Variants in MEGF8 observed in about 807,000 individuals in gnomAD.
MEGF8 encodes multiple EGF like domains 8, also known as multiple epidermal growth factor-like domains protein 8.
MEGF8 carries 156 observed loss-of-function variants against 302.9 expected under a neutral mutation model. That is an observed-to-expected ratio of 0.52 (90% CI 0.45 to 0.59). MEGF8 has a LOEUF of 0.59. Among genes scored for constraint, MEGF8 ranks in the 20% least tolerant of loss-of-function variants. The probability of loss-of-function intolerance (pLI) is 0.00; values close to 1 mark genes in which losing one functional copy is unlikely to be tolerated. For synonymous variants in MEGF8, 1,621 were observed against 1,660.5 expected, an observed-to-expected ratio of 0.98 and a Z score of 0.58; for missense variants, 3,345 against 3,964.5, an observed-to-expected ratio of 0.84 and a Z score of 4.20.
At position 42,367,238 on chromosome 19, in the gene MEGF8, C is replaced by G. The variant is rs560257168; in HGVS notation, c.6274-1217C>G. ...GGTTCTCAGTGTGGGGTAAGAGAAG[C>G]CTTTTTGCCTCAGCAGCCACATTTG... On this transcript the variant is annotated intron_variant, in intron 35 of 41. Transcript: ENST00000251268. Among the ~76,000 whole-genome samples, 38 of 152,160 alleles carry G rather than the reference C, an allele frequency of 2.5e-4. No homozygotes were observed. In the East Asian group the frequency reaches 5.2e-3, roughly 21 times the overall value.
At chr19:42,365,832 C>T (rs973461156) in intron 35 of MEGF8, among the ~76,000 whole-genome samples, 1 of 150,488 alleles carries the variant, frequency 6.6e-6, no homozygotes, top group African/African-American at 2.4e-5. Context: ...ACCTGTAATC[C>T]CAGCACTTTG....
intron 8 of MEGF8, 148 bp from the exon 9 acceptor site, chr19:42,343,329 G>C (rs1260850382): frequency 3.9e-6 from 3 of 775,364 alleles, no homozygotes; most frequent in Non-Finnish European, 5.8e-6. Context: ...TTCAGGGCCA[G>C]GTGGGCTGGG....
At chr19:42,332,951 A>G (rs1338884075) in intron 1 of MEGF8, among the ~76,000 whole-genome samples, 1 of 152,240 alleles carries the variant, frequency 6.6e-6, no homozygotes, top group African/African-American at 2.4e-5. Flanking sequence ...CTTGGCCAAG[A>G]TCACACAGCT....
Position 42,370,290 on chromosome 19 carries a change from C to G in MEGF8, c.6936C>G (p.Ile2312Met). 2 of 1,613,576 alleles carry G rather than the reference C, an allele frequency of 1.2e-6. No homozygotes were observed. The highest frequency in any genetic ancestry group is 1.7e-6 in the Non-Finnish European group (2 of 1,179,740). The change falls in exon 39 of 42, where the codon ATC (isoleucine) becomes ATG (methionine). Residue 2312 changes from isoleucine (I) to methionine (M), a missense_variant. Physicochemically the swap from Ile to Met is conservative, Grantham distance 10 (BLOSUM62 1). Transcript: ENST00000251268. ...CCTTTTGTCGTGGAAATAGCCACATCTGCATCTCCAGGAAGGAGTTACAAA... is the reference window on the plus strand; with the variant it reads ...CCTTTTGTCGTGGAAATAGCCACATGTGCATCTCCAGGAAGGAGTTACAAA... The part of the protein sequence containing the change: ...CHAFCRGNSH[I>M]CISRKELQMS...
chr19:42,374,932 A>G (rs2147518215), intron 41 of MEGF8, among the ~76,000 whole-genome samples: 1 of 152,316 alleles, frequency 6.6e-6, no homozygotes, highest in South Asian at 2.1e-4. Flanking sequence ...GGGCTTGACA[A>G]GCTGACAAGT....
At position 42,370,313 on chromosome 19, in the gene MEGF8, A is replaced by C; in HGVS notation, c.6959A>C (p.Gln2320Pro). 6.2e-7 allele frequency: 1 copy of C among 1,609,794 alleles called. No individual in the cohort carries two copies. The highest frequency in any genetic ancestry group is 8.5e-7 in the Non-Finnish European group (1 of 1,177,992). Residue 2320 changes from glutamine to proline, a missense_variant, in exon 39 of 42, where the codon CAA (glutamine) becomes CCA (proline). Transcript: ENST00000251268. ...ATCTGCATCTCCAGGAAGGAGTTAC[A>C]AATGTCCAAGGGAGAGCCAAAGAAG... ...SHICISRKEL[Q>P]MSKGEPKKYS...
rs1232951493 is a variant in MEGF8, at chr19:42,354,399, G to A, written c.4012-189G>A. Among the ~76,000 whole-genome samples, 1 of 152,078 alleles carries A rather than the reference G, an allele frequency of 6.6e-6. No homozygotes were observed. ...TGCAAGAGTGCCTGATAGATGAGCC[G>A]TGTCTACTTTGGACACAGGAAGGGG... On this transcript the variant is annotated intron_variant, in intron 22 of 41. Coordinates refer to ENST00000251268, the MANE Select transcript of MEGF8 (RefSeq NM_001271938.2). The surrounding 1 kb of genome is among the most constrained non-coding windows in gnomAD (Gnocchi z 4.3).
rs1159337483 is a variant in MEGF8 at position 42,335,035 on chromosome 19, C to T, written c.559C>T (p.Pro187Ser). ...TGCCTTTATGTCTCCTTTCCCGCAG[C>T]CCCTGGGACCATGCCGCTGTGAGCC... ...YCGSHGTCAS[P>S]LGPCRCEPGF... The change falls in exon 4 of 42, where the codon CCC becomes TCC. Residue 187 changes from proline (P) to serine (S), a missense_variant and splice_region_variant. Physicochemically the swap from Pro to Ser is moderately conservative, Grantham distance 74. Transcript: ENST00000251268. 5 of 1,604,604 alleles carry T rather than the reference C, an allele frequency of 3.1e-6. No homozygotes were observed. The highest frequency in any genetic ancestry group is 1.3e-5 in the African/African-American group (1 of 74,410).
intron 23 of MEGF8, among the ~76,000 whole-genome samples, chr19:42,355,458 G>T (rs2039437427): frequency 6.6e-6 from 1 of 152,096 alleles, no homozygotes; most frequent in African/African-American, 2.4e-5. Context: ...ACCATGAGTG[G>T]GGAGTGTAGG....
At position 42,332,494 on chromosome 19, in the gene MEGF8, A is replaced by G. The variant is rs545265083; in HGVS notation, c.188-1111A>G. On this transcript the variant is annotated intron_variant, in intron 1 of 41. Transcript: ENST00000251268. ...GCAATTCTCCTGCCTCAGCCTCCCA[A>G]GTAGCTGGGATTACAGGCACCCGCC... Among the ~76,000 whole-genome samples the G allele has an allele frequency of 3.7e-3, 565 of 152,174 alleles. 2 individuals are homozygous for G. The highest frequency in any genetic ancestry group is 0.013 in the African/African-American group (554 of 41,524).
In MEGF8 at chr19:42,362,515, C is replaced by T. The variant is rs977588405; in HGVS notation, c.5976C>T (p.Ser1992=). The T allele has an allele frequency of 9.3e-6, 15 of 1,613,680 alleles. No individual in the cohort carries two copies. The African/African-American group carries it at 9.3e-5, about 10-fold the overall frequency. The change falls in exon 34 of 42, where the codon TCC becomes TCT. Residue 1992 remains serine, a synonymous_variant. Coordinates refer to ENST00000251268, the MANE Select transcript of MEGF8 (RefSeq NM_001271938.2). Reference sequence around the variant, plus strand: ...AGGTCTTCTGGGCAGGGAACTGCTCCGAGGCTGCGTGCGGGGCTGCTGACT... The same window carrying T: ...AGGTCTTCTGGGCAGGGAACTGCTCTGAGGCTGCGTGCGGGGCTGCTGACT... The part of the protein sequence containing the change: ...QREVFWAGNC[S]EAACGAADCE...
chr19:42,359,001 T>C (rs2147490367), intron 30 of MEGF8, 47 bp downstream of exon 30: 1 of 1,580,588 alleles, frequency 6.3e-7, no homozygotes. Context: ...TAGGGGGGGA[T>C]AGGTAGGGAA....
chr19:42,347,209 C>T (rs950242602), intron 12 of MEGF8, among the ~76,000 whole-genome samples: 1 of 151,794 alleles, frequency 6.6e-6, no homozygotes, highest in Non-Finnish European at 1.5e-5. Flanking sequence ...GACATCATAT[C>T]ATTTTTCTTT....
At position 42,336,388 on chromosome 19, in the gene MEGF8, C is replaced by G. The variant is rs912537601; in HGVS notation, c.1244+42C>G. On this transcript the variant is annotated intron_variant, in intron 6 of 41. Transcript: ENST00000251268. The surrounding 1 kb of genome is among the most constrained non-coding windows in gnomAD (Gnocchi z 4.8). The stretch of plus-strand genomic sequence containing the variant: ...ATAACCCATGCTCCACAGGCCAGGC[C>G]CAGCTCAACACCATAGGCCTTTAGT... The G allele has an allele frequency of 6.5e-7, 1 of 1,534,338 alleles. No individual in the cohort carries two copies. Among genetic ancestry groups the G allele is most frequent in the Non-Finnish European group, 8.8e-7 (1 of 1,141,330 alleles).
At position 42,344,895 on chromosome 19, in the gene MEGF8, T is replaced by C; in HGVS notation, c.2097+62T>C. On this transcript the variant is annotated intron_variant, in intron 12 of 41. Coordinates refer to ENST00000251268, the MANE Select transcript of MEGF8 (RefSeq NM_001271938.2). This position sits in a 1 kb window ranked among gnomAD's most constrained non-coding sequence, Gnocchi z 4.5. ...GATCCTGATCCTAGGGTTTGTTTTT[T>C]CTCAAATGCATCTTTATCACTCTTA... is the stretch of plus-strand genomic sequence containing the variant. 6.9e-7 allele frequency: 1 copy of C among 1,442,218 alleles called. No homozygotes were observed. Among genetic ancestry groups the C allele is most frequent in the Non-Finnish European group, 9.2e-7 (1 of 1,083,904 alleles). The allele number at this position is 1,442,218 out of a possible 1,614,324, so 89.3% of individuals were successfully genotyped here.
intron 3 of MEGF8, 121 bp from the exon 4 acceptor site, chr19:42,334,912 CTT>C (rs1277135231): frequency 1.1e-6 from 1 of 944,042 alleles, no homozygotes; most frequent in South Asian, 1.9e-5. Context: ...CTGTCTGTCT[CTT>C]TCTCTCTCCC....
At chr19:42,342,264 A>T (rs547981486) in intron 8 of MEGF8, among the ~76,000 whole-genome samples, 7 of 152,288 alleles carry the variant, frequency 4.6e-5, no homozygotes, top group African/African-American at 1.7e-4. Flanking sequence ...TAGGGAAGTC[A>T]CCATTCACTG....
rs2039471525 is a variant in MEGF8, at chr19:42,357,636, G to A, written c.5011+52G>A. 8.0e-6 allele frequency: 12 copies of A among 1,507,092 alleles called. No individual in the cohort carries two copies. The South Asian group carries it at 1.1e-4, about 14-fold the overall frequency. 93.4% of individuals were successfully genotyped at this position (1,507,092 alleles called of 1,614,324 possible). On this transcript the variant is annotated intron_variant, in intron 28 of 41. Transcript: ENST00000251268. The surrounding 1 kb of genome is among the most constrained non-coding windows in gnomAD (Gnocchi z 5.2). Reference sequence around the variant, plus strand: ...GCCCCCGTGGACCTCCCGGGCATCTGGGCTTCCTGTGGGCTCTCCATCCAC... The same window carrying A: ...GCCCCCGTGGACCTCCCGGGCATCTAGGCTTCCTGTGGGCTCTCCATCCAC...
chr19:42,372,074 A>ACAACAAAC (rs1555784681), intron 41 of MEGF8, among the ~76,000 whole-genome samples: 64 of 79,318 alleles, frequency 8.1e-4, no homozygotes, highest in East Asian at 2.8e-3. Flanking sequence ...AACAACAACA[A>ACAACAAAC]ACACACACAC....
Sources: allele counts gnomAD v4.1 joint callset (sites outside exome capture counted in the v4.1 genomes callset), GRCh38; gene constraint gnomAD v4.1.1; non-coding constraint Gnocchi (gnomAD v3.1); transcripts MANE v1.5; gene names NCBI Gene and HGNC (gene_info 2026-07-23, HGNC 2026-07-21).